The following CLIP1 variants were observed in gnomAD, a reference collection of about 807,000 sequenced individuals.
CLIP1 encodes CAP-Gly domain-containing linker protein 1.
In CLIP1, 66 loss-of-function variants were observed where a neutral mutation model predicts 161.6. That is an observed-to-expected ratio of 0.41 (90% CI 0.33 to 0.50). The LOEUF (loss-of-function observed/expected upper bound fraction) is 0.50, where lower values mean the gene tolerates loss of function less well. CLIP1 is among the 20% of genes least tolerant of loss of function. The pLI is 0.27. For missense variants in CLIP1, 1,376 were observed against 1,702.0 expected (o/e 0.81, Z 3.37); for synonymous variants, 598 against 626.2 (o/e 0.96, Z 0.67).
rs1402939016 is a variant in CLIP1, at chr12:122,279,354, T to C, written c.3648-209A>G. ...AGGGGAGAAAAAGTTTACCTATGCATAGACATGCCAGAGTCTGCATGTGAT... is the reference window on the plus strand; with the variant it reads ...AGGGGAGAAAAAGTTTACCTATGCACAGACATGCCAGAGTCTGCATGTGAT... On this transcript the variant is annotated intron_variant, in intron 21 of 25. Coordinates refer to ENST00000620786, the MANE Select transcript of CLIP1 (RefSeq NM_001247997.2). This position sits in a 1 kb window ranked among gnomAD's most constrained non-coding sequence, Gnocchi z 4.5. 3.0e-6 allele frequency: 1 copy of C among 334,142 alleles called. No homozygotes were observed. The highest frequency in any genetic ancestry group is 2.2e-5 in the African/African-American group (1 of 46,234). The allele number at this position is 334,142 out of a possible 1,614,324, so 20.7% of individuals were successfully genotyped here.
In CLIP1 at chr12:122,381,321, T is replaced by TA. The variant is rs1955003852; in HGVS notation, c.-106-764dup. ...GCAATTTACAATATAAAACTATATA[T>TA]ATGTTAAACTACAGGAAGATTAAAA... On this transcript the variant is annotated intron_variant, in intron 1 of 25. Transcript: ENST00000620786. 2.0e-5 allele frequency among the ~76,000 whole-genome samples: 3 copies of TA among 152,176 alleles called. No homozygotes were observed. The South Asian group carries it at 6.2e-4, about 32-fold the overall frequency.
chr12:122,309,708 C>T, intron 20 of CLIP1, 54 bp downstream of exon 20: 1 of 1,602,822 alleles, frequency 6.2e-7, no homozygotes, highest in Non-Finnish European at 8.5e-7. Context: ...GTGCTGCCAA[C>T]AGCAGCAGCA....
At chr12:122,281,138 G>T (rs186560999) in intron 21 of CLIP1, among the ~76,000 whole-genome samples, 55 of 152,314 alleles carry the variant, frequency 3.6e-4, no homozygotes, top group African/African-American at 9.6e-4. Flanking sequence ...TCATTGTGTG[G>T]CTTACACTTA....
At chr12:122,331,013 ATTTAT>A (rs1566126081) in intron 15 of CLIP1, among the ~76,000 whole-genome samples, 1 of 146,788 alleles carries the variant, frequency 6.8e-6, no homozygotes, top group African/African-American at 2.6e-5. Flanking sequence ...CCTTTTTATT[ATTTAT>A]TTATTTTTTT....
chr12:122,340,110 C>G (rs1952428395), intron 11 of CLIP1, among the ~76,000 whole-genome samples: 1 of 148,706 alleles, frequency 6.7e-6, no homozygotes, highest in South Asian at 2.1e-4. Context: ...CAGAGTCTTG[C>G]TCTGTCTCCC....
At chr12:122,387,165 T>C (rs1955310819) in intron 1 of CLIP1, among the ~76,000 whole-genome samples, 1 of 152,158 alleles carries the variant, frequency 6.6e-6, no homozygotes, top group Non-Finnish European at 1.5e-5. Flanking sequence ...GCACTGGGAT[T>C]ACAGGCGTGC....
At chr12:122,388,869 C>T (rs1342921265) in intron 1 of CLIP1, among the ~76,000 whole-genome samples, 1 of 152,130 alleles carries the variant, frequency 6.6e-6, no homozygotes. Context: ...ACAACTGCAC[C>T]CAGCCCAGAT....
intron 1 of CLIP1, chr12:122,400,352 A>C (rs1295730007): frequency 6.6e-6 from 1 of 152,216 alleles, no homozygotes; most frequent in Non-Finnish European, 1.5e-5. Flanking sequence ...AAAAAAAAAA[A>C]AATTATGGGC....
At chr12:122,330,421 AAGAAGT>A (rs1951894189) in intron 15 of CLIP1, among the ~76,000 whole-genome samples, 1 of 152,098 alleles carries the variant, frequency 6.6e-6, no homozygotes, top group Non-Finnish European at 1.5e-5. Context: ...TAACACTTTT[AAGAAGT>A]AGAAGTCTAA....
At chr12:122,402,641 TG>T in intron 1 of CLIP1, among the ~76,000 whole-genome samples, 1 of 152,136 alleles carries the variant, frequency 6.6e-6, no homozygotes, top group Admixed American at 6.5e-5. Flanking sequence ...TCGGATGTGG[TG>T]GTGGGCACCT....
At position 122,311,243 on chromosome 12, in the gene CLIP1, C is replaced by A. The variant is rs1047558400; in HGVS notation, c.3474-1361G>T. The stretch of plus-strand genomic sequence containing the variant: ...AAACATATTTCCCAGGTGGTCACTG[C>A]CTTCATGAGTGGCTACATGGTGTCT... On this transcript the variant is annotated intron_variant, in intron 19 of 25. Transcript: ENST00000620786. The surrounding 1 kb of genome is among the most constrained non-coding windows in gnomAD (Gnocchi z 4.3). 1.3e-5 allele frequency among the ~76,000 whole-genome samples: 2 copies of A among 152,062 alleles called. No individual in the cohort carries two copies. Among genetic ancestry groups the A allele is most frequent in the Admixed American group, 6.5e-5 (1 of 15,274 alleles).
intron 1 of CLIP1, among the ~76,000 whole-genome samples, chr12:122,398,270 A>G (rs555390845): frequency 6.6e-6 from 1 of 151,442 alleles, no homozygotes; most frequent in East Asian, 2.0e-4. Flanking sequence ...ACAAAAAAAA[A>G]AAAAAAAAAT....
intron 5 of CLIP1, among the ~76,000 whole-genome samples, chr12:122,359,893 G>A (rs1953693453): frequency 1.3e-5 from 2 of 152,184 alleles, no homozygotes; most frequent in Admixed American, 6.5e-5. Context: ...GTCTGATGCC[G>A]CCATTTCTAA....
At chr12:122,363,608 G>C (rs1953986275) in intron 4 of CLIP1, among the ~76,000 whole-genome samples, 1 of 152,084 alleles carries the variant, frequency 6.6e-6, no homozygotes, top group South Asian at 2.1e-4. Flanking sequence ...ACATTTTGCA[G>C]TTCTTTTCCC....
chr12:122,380,402 C>T lies in CLIP1; in HGVS notation c.51G>A (p.Lys17=). The part of the protein sequence containing the change: ...SGLKAPTKIL[K]PGSTALKTPT... ...GTGTCTTCAGAGCTGTGCTTCCAGG[C>T]TTCAGGATCTTGGTGGGGGCCTTAA... is the stretch of plus-strand genomic sequence containing the variant. Residue 17 remains lysine (K), a synonymous_variant, in exon 2 of 26, where the codon AAG becomes AAA. Transcript: ENST00000620786. 6.2e-7 allele frequency: 1 copy of T among 1,613,830 alleles called. No individual in the cohort carries two copies.
At chr12:122,422,801 CTCTT>C (rs1056810775), upstream of CLIP1, among the ~76,000 whole-genome samples, 4 of 140,326 alleles carry the variant, frequency 2.9e-5, no homozygotes, top group African/African-American at 1.0e-4. Flanking sequence ...GCCCCGCCGC[CTCTT>C]TGTCTGCGCC....
At chr12:122,339,563 T>C (rs1233443154) in intron 11 of CLIP1, among the ~76,000 whole-genome samples, 1 of 152,136 alleles carries the variant, frequency 6.6e-6, no homozygotes, top group Non-Finnish European at 1.5e-5. Context: ...CCTCAACTGA[T>C]CCGCCTGCCT....
chr12:122,349,886 G>GTTTTTCTGT, intron 9 of CLIP1, among the ~76,000 whole-genome samples: 1 of 118,452 alleles, frequency 8.4e-6, no homozygotes, highest in Non-Finnish European at 1.8e-5. Context: ...TCAGTCTTGT[G>GTTTTTCTGT]TTTTTTTGTT....
At chr12:122,409,802 G>A (rs562747984) in intron 1 of CLIP1, among the ~76,000 whole-genome samples, 1 of 152,148 alleles carries the variant, frequency 6.6e-6, no homozygotes, top group East Asian at 1.9e-4. Flanking sequence ...AAAGTGCTAA[G>A]ATGACAGGCG....
Sources: allele counts gnomAD v4.1 joint callset (sites outside exome capture counted in the v4.1 genomes callset), GRCh38; gene constraint gnomAD v4.1.1; non-coding constraint Gnocchi (gnomAD v3.1); transcripts MANE v1.5; gene names NCBI Gene and HGNC (gene_info 2026-07-23, HGNC 2026-07-21).